The following TTC39B variants were observed in gnomAD, a reference collection of about 807,000 sequenced individuals.
TTC39B encodes the protein tetratricopeptide repeat domain 39B, also known as tetratricopeptide repeat protein 39B.
A neutral mutation model predicts 96.6 loss-of-function variants in TTC39B; 92 were observed. The observed-to-expected ratio is 0.95, with a 90% confidence interval of 0.80 to 1.13. TTC39B has a LOEUF of 1.13. TTC39B is among the 50% of genes most tolerant of loss of function. TTC39B has a pLI of 0.00. For synonymous variants in TTC39B, 367 were observed against 299.4 expected (o/e 1.23, Z -2.33); for missense variants, 955 against 809.3 (o/e 1.18, Z -2.18).
At chr9:15,184,420 TAA>T (rs35811990) in intron 16 of TTC39B, among the ~76,000 whole-genome samples, 4 of 143,184 alleles carry the variant, frequency 2.8e-5, no homozygotes, top group Non-Finnish European at 4.6e-5. Context: ...ACTCTGAATT[TAA>T]AAAAAAAAAA....
chr9:15,284,759 G>C (rs1038136780), intron 1 of TTC39B, among the ~76,000 whole-genome samples: 2 of 152,018 alleles, frequency 1.3e-5, no homozygotes, highest in African/African-American at 4.8e-5. Flanking sequence ...ATATAGTAAA[G>C]GCAAAAATCA....
intron 14 of TTC39B, 106 bp from the exon 15 acceptor site, chr9:15,187,141 C>T: frequency 1.3e-6 from 1 of 759,662 alleles, no homozygotes; most frequent in Non-Finnish European, 2.1e-6. Flanking sequence ...AAATTAGAGG[C>T]ATTAAAGAAA....
chr9:15,190,710 C>T (rs760111809), intron 10 of TTC39B, 48 bp from the exon 11 acceptor site: 2 of 1,468,218 alleles, frequency 1.4e-6, no homozygotes, highest in Admixed American at 3.5e-5. Flanking sequence ...ACTGGAAAAT[C>T]ATATTCAGAA....
exon 20 of TTC39B, chr9:15,171,984 C>T (rs150728160): frequency 2.0e-6 from 3 of 1,510,088 alleles, no homozygotes; most frequent in East Asian, 2.3e-5. Flanking sequence ...GATGCCGATG[C>T]TAATTGAGGA....
chr9:15,263,704 A>T (rs1389727631), intron 2 of TTC39B, among the ~76,000 whole-genome samples: 1 of 152,202 alleles, frequency 6.6e-6, no homozygotes, highest in Non-Finnish European at 1.5e-5. Context: ...CAGACTCTGA[A>T]TGGAGGCCTC....
At chr9:15,279,691 C>G (rs1259480661) in intron 1 of TTC39B, among the ~76,000 whole-genome samples, 1 of 152,096 alleles carries the variant, frequency 6.6e-6, no homozygotes, top group Non-Finnish European at 1.5e-5. Flanking sequence ...GCACTGTGTG[C>G]TGCAGCCTGG....
chr9:15,175,121 T>G, exon 19 of TTC39B: 1 of 1,611,876 alleles, frequency 6.2e-7, no homozygotes, highest in Non-Finnish European at 8.5e-7. Context: ...GTGGTCATAC[T>G]TCAGTAGCTT....
chr9:15,211,802 G>A (rs1820217336), intron 4 of TTC39B, among the ~76,000 whole-genome samples: 1 of 152,236 alleles, frequency 6.6e-6, no homozygotes, highest in East Asian at 1.9e-4. Context: ...CAAAAATAAA[G>A]GCTTATATAA....
At chr9:15,205,851 T>C (rs1029986109) in intron 6 of TTC39B, among the ~76,000 whole-genome samples, 1 of 151,992 alleles carries the variant, frequency 6.6e-6, no homozygotes, top group Non-Finnish European at 1.5e-5. Context: ...GAGGGGACTG[T>C]GCTGGTAACA....
intron 14 of TTC39B, among the ~76,000 whole-genome samples, chr9:15,187,242 C>A (rs569068385): frequency 7.2e-4 from 110 of 152,274 alleles, no homozygotes; most frequent in African/African-American, 2.6e-3. Flanking sequence ...TATTATACAA[C>A]TACAGCATTC....
chr9:15,176,574 G>GC (rs1462177973), intron 18 of TTC39B, among the ~76,000 whole-genome samples: 9 of 152,136 alleles, frequency 5.9e-5, no homozygotes, highest in Admixed American at 1.3e-4. Context: ...AGCTGTGATT[G>GC]TTTTGGCTTG....
intron 1 of TTC39B, among the ~76,000 whole-genome samples, chr9:15,294,328 TC>T (rs2131608145): frequency 6.6e-6 from 1 of 152,188 alleles, no homozygotes; most frequent in East Asian, 1.9e-4. Flanking sequence ...CCTTTTAGCC[TC>T]TTACGTTCAG....
chr9:15,237,922 A>G (rs1821861492), intron 2 of TTC39B, among the ~76,000 whole-genome samples: 1 of 152,234 alleles, frequency 6.6e-6, no homozygotes, highest in African/African-American at 2.4e-5. Context: ...AACACACATC[A>G]AAAATATAAT....
At chr9:15,206,244 C>G (rs553030117) in intron 6 of TTC39B, among the ~76,000 whole-genome samples, 1 of 151,994 alleles carries the variant, frequency 6.6e-6, no homozygotes, top group South Asian at 2.1e-4. Flanking sequence ...GGCAATCCGC[C>G]AGCCACAAGA....
Position 15,173,323 on chromosome 9 carries a change from C to T in TTC39B, c.1959-1214G>A, listed in dbSNP as rs559294725. Among the ~76,000 whole-genome samples the T allele has an allele frequency of 3.9e-5, 6 of 152,200 alleles. No homozygotes were observed. The South Asian group carries it at 1.2e-3, about 32-fold the overall frequency. ...CCTATATATAAATATTTTAAGGAAG[C>T]CCTTCTTGGCTCTACCATGCCCGTA... is the stretch of plus-strand genomic sequence containing the variant. On this transcript the variant is annotated intron_variant, in intron 19 of 19. Transcript: ENST00000512701.
At chr9:15,238,786 G>A (rs1427765043) in intron 2 of TTC39B, among the ~76,000 whole-genome samples, 1 of 152,080 alleles carries the variant, frequency 6.6e-6, no homozygotes, top group Non-Finnish European at 1.5e-5. Flanking sequence ...AGAAGTTTAA[G>A]ACCAGCCTGG....
intron 8 of TTC39B, among the ~76,000 whole-genome samples, chr9:15,198,185 G>T (rs979196853): frequency 6.6e-6 from 1 of 152,214 alleles, no homozygotes; most frequent in South Asian, 2.1e-4. Context: ...AGGGCCAGGC[G>T]CAGTGGCTCA....
intron 16 of TTC39B, among the ~76,000 whole-genome samples, chr9:15,184,538 G>A (rs1229199488): frequency 1.3e-5 from 2 of 152,082 alleles, no homozygotes; most frequent in Admixed American, 6.5e-5. Context: ...AAGAGTCATA[G>A]TAACTTGATA....
At chr9:15,190,970 A>G (rs1818825279) in intron 10 of TTC39B, among the ~76,000 whole-genome samples, 2 of 152,172 alleles carry the variant, frequency 1.3e-5, no homozygotes, top group Non-Finnish European at 2.9e-5. Flanking sequence ...TTTTTCATCC[A>G]AGAATTTGGA....
Sources: gnomAD v4.1 joint callset for allele counts (sites outside exome capture counted in the v4.1 genomes callset) on GRCh38, gnomAD v4.1.1 for gene constraint, MANE v1.5 for transcripts, NCBI Gene and HGNC (gene_info 2026-07-23, HGNC 2026-07-21) for gene names.